The following CRIM1 variants were observed in gnomAD, a reference collection of about 807,000 sequenced individuals.
CRIM1 encodes the protein cysteine rich transmembrane BMP regulator 1.
Under a neutral mutation model 116.4 loss-of-function variants are expected in CRIM1, and 32 were observed. The observed-to-expected ratio is 0.27, with a 90% CI of 0.21 to 0.37. The LOEUF (loss-of-function observed/expected upper bound fraction) is 0.37. Ranked by LOEUF, CRIM1 falls within the 10% of genes least tolerant of loss-of-function variation. CRIM1 has a pLI of 1.00. For missense variants in CRIM1, 1,331 were observed against 1,354.8 expected (o/e 0.98, Z 0.28); for synonymous variants, 590 against 509.2 (o/e 1.16, Z -2.13).
At chr2:36,480,218 GT>G (rs1228011091) in intron 7 of CRIM1, among the ~76,000 whole-genome samples, 2 of 152,186 alleles carry the variant, frequency 1.3e-5, no homozygotes, top group Non-Finnish European at 2.9e-5. Flanking sequence ...TTATGTCGTG[GT>G]TACCTGCATT....
chr2:36,435,070 G>A (rs148815762), intron 2 of CRIM1, among the ~76,000 whole-genome samples: 7 of 152,234 alleles, frequency 4.6e-5, no homozygotes, highest in African/African-American at 1.7e-4. Flanking sequence ...TAATTCTCAA[G>A]GTTGGTCTCC....
At chr2:36,424,675 C>G (rs561403902) in intron 2 of CRIM1, among the ~76,000 whole-genome samples, 64 of 152,162 alleles carry the variant, frequency 4.2e-4, no homozygotes, top group Non-Finnish European at 7.4e-5. Flanking sequence ...TATTTCAAAA[C>G]CCTGATAAAA....
At chr2:36,522,614 C>T (rs2125131786) in intron 13 of CRIM1, among the ~76,000 whole-genome samples, 1 of 151,936 alleles carries the variant, frequency 6.6e-6, no homozygotes. Context: ...CCAGCCTGGC[C>T]AACATGATGA....
intron 7 of CRIM1, among the ~76,000 whole-genome samples, chr2:36,496,512 C>T (rs1680602841): frequency 6.6e-6 from 1 of 152,084 alleles, no homozygotes; most frequent in Admixed American, 6.6e-5. Flanking sequence ...TGATTTTTTG[C>T]TTCTTGCATG....
At chr2:36,416,876 C>T (rs553149179) in intron 2 of CRIM1, among the ~76,000 whole-genome samples, 169 of 152,336 alleles carry the variant, frequency 1.1e-3, no homozygotes, top group African/African-American at 3.8e-3. Flanking sequence ...CTTTCCTGAG[C>T]CCAGTCTGTC....
chr2:36,504,600 C>T (rs1388099922), intron 8 of CRIM1, among the ~76,000 whole-genome samples: 4 of 152,184 alleles, frequency 2.6e-5, no homozygotes, highest in African/African-American at 9.7e-5. Flanking sequence ...TTATCCCTGA[C>T]TCAGTTCCTC....
At position 36,374,009 on chromosome 2, in the gene CRIM1, G is replaced by A. The variant is rs918275654; in HGVS notation, c.331+17386G>A. 5.3e-5 allele frequency among the ~76,000 whole-genome samples: 8 copies of A among 152,298 alleles called. No individual in the cohort carries two copies. In the South Asian group the frequency reaches 8.3e-4, roughly 16 times the overall value. On this transcript the variant is annotated intron_variant, in intron 1 of 16. Coordinates refer to ENST00000280527, the MANE Select transcript of CRIM1 (RefSeq NM_016441.3). ...TCTCCTAAGTGGCTTACATAAAGCCGTGGGCGTCTTTTCCTGTGTCTCCTC... is the reference window on the plus strand; with the variant it reads ...TCTCCTAAGTGGCTTACATAAAGCCATGGGCGTCTTTTCCTGTGTCTCCTC...
At chr2:36,485,080 A>T (rs1177073905) in intron 7 of CRIM1, among the ~76,000 whole-genome samples, 1 of 152,238 alleles carries the variant, frequency 6.6e-6, no homozygotes, top group African/African-American at 2.4e-5. Flanking sequence ...ATATTATCAG[A>T]TACCCAGCTG....
At chr2:36,475,455 T>G (rs1156628231) in intron 5 of CRIM1, among the ~76,000 whole-genome samples, 1 of 152,264 alleles carries the variant, frequency 6.6e-6, no homozygotes, top group Non-Finnish European at 1.5e-5. Flanking sequence ...TTGAACTTGT[T>G]TATACATTCT....
chr2:36,405,013 G>C (rs1001282672), intron 2 of CRIM1, among the ~76,000 whole-genome samples: 5 of 152,044 alleles, frequency 3.3e-5, no homozygotes, highest in African/African-American at 7.2e-5. Flanking sequence ...CCTCGTCCTT[G>C]GTCTAGAGGC....
At chr2:36,408,727 G>C (rs1476696333) in intron 2 of CRIM1, among the ~76,000 whole-genome samples, 2 of 151,966 alleles carry the variant, frequency 1.3e-5, no homozygotes, top group Non-Finnish European at 2.9e-5. Flanking sequence ...AGTATTCCAA[G>C]ACCATGATCT....
chr2:36,370,254 G>A (rs184123540), intron 1 of CRIM1, among the ~76,000 whole-genome samples: 55 of 148,368 alleles, frequency 3.7e-4, no homozygotes, highest in Non-Finnish European at 3.7e-4. Context: ...TTGACCTTAC[G>A]CAGAAACTTT....
chr2:36,371,251 TC>T (rs1203948337), intron 1 of CRIM1, among the ~76,000 whole-genome samples: 1 of 151,978 alleles, frequency 6.6e-6, no homozygotes, highest in Non-Finnish European at 1.5e-5. Flanking sequence ...AGTAATGCCA[TC>T]CCCCATCCCC....
chr2:36,531,660 G>C lies in CRIM1; in HGVS notation c.2429-5692G>C, dbSNP rs142336301. 134 of 254,700 alleles carry C rather than the reference G, an allele frequency of 5.3e-4. 2 individuals carry two copies. The highest frequency in any genetic ancestry group is 4.5e-3 in the Middle Eastern group (3 of 670). 15.8% of individuals were successfully genotyped at this position (254,700 alleles called of 1,614,324 possible). ...TTATCTTGAAAAGAGGTAAGATAAT[G>C]AAGTTTAAACAGTTGAAGAAGTTAA... On this transcript the variant is annotated intron_variant, in intron 13 of 16. Transcript: ENST00000280527.
At chr2:36,519,960 C>T (rs11694761) in intron 12 of CRIM1, among the ~76,000 whole-genome samples, 47,889 of 151,906 alleles carry the variant, frequency 0.32, 8,006 homozygotes, top group Middle Eastern at 0.47. Flanking sequence ...AGTGAAAACA[C>T]TGGTAAAGAT....
At chr2:36,452,067 C>T (rs1459656961) in intron 4 of CRIM1, among the ~76,000 whole-genome samples, 2 of 151,558 alleles carry the variant, frequency 1.3e-5, no homozygotes, top group Non-Finnish European at 2.9e-5. Flanking sequence ...TTATCATGTC[C>T]ATCTGTTCTA....
At chr2:36,499,671 G>C (rs1234242984) in intron 8 of CRIM1, among the ~76,000 whole-genome samples, 2 of 151,986 alleles carry the variant, frequency 1.3e-5, no homozygotes, top group Admixed American at 1.3e-4. Flanking sequence ...GTGACAAGGA[G>C]GTCACCCACG....
chr2:36,457,277 A>T (rs908334731), intron 4 of CRIM1, among the ~76,000 whole-genome samples: 1 of 152,150 alleles, frequency 6.6e-6, no homozygotes, highest in Non-Finnish European at 1.5e-5. Context: ...ACCCAAACCT[A>T]ATTGTCTTTA....
At chr2:36,410,239 C>T (rs186816152) in intron 2 of CRIM1, among the ~76,000 whole-genome samples, 1 of 152,192 alleles carries the variant, frequency 6.6e-6, no homozygotes, top group Admixed American at 6.5e-5. Context: ...TTTTCCTACA[C>T]TTCATTATTC....
Sources: gnomAD v4.1 joint callset for allele counts (sites outside exome capture counted in the v4.1 genomes callset) on GRCh38, gnomAD v4.1.1 for gene constraint, MANE v1.5 for transcripts, NCBI Gene and HGNC (gene_info 2026-07-23, HGNC 2026-07-21) for gene names.